UMAD1: variants seen among roughly 807,000 people sequenced by gnomAD.
The protein encoded by UMAD1 is UBAP1-MVB12-associated (UMA) domain containing 1.
A neutral mutation model predicts 6.1 loss-of-function variants in UMAD1; 8 were observed. The observed-to-expected ratio is 1.30, with a 90% CI of 0.76 to 2.35. The LOEUF is 2.35. Ranked by LOEUF, UMAD1 falls within the 30% of genes most tolerant of loss-of-function variation. The probability of loss-of-function intolerance (pLI) is 0.00; values close to 1 mark genes in which losing one functional copy is unlikely to be tolerated. For missense variants in UMAD1, 130 were observed against 78.4 expected (o/e 1.66, Z -2.49); for synonymous variants, 56 against 31.4 (o/e 1.78, Z -2.61).
chr7:7,843,365 G>T (rs1783719313), intron 3 of UMAD1, among the ~76,000 whole-genome samples: 1 of 152,314 alleles, frequency 6.6e-6, no homozygotes, highest in South Asian at 2.1e-4. Flanking sequence ...AAGACTGGTA[G>T]ATTCTCCTGT....
intron 2 of UMAD1, among the ~76,000 whole-genome samples, chr7:7,677,660 T>G (rs555992853): frequency 0.014 from 447 of 32,524 alleles, 5 homozygotes; most frequent in African/African-American, 0.026. Flanking sequence ...TCATCTGTTT[T>G]TTTGTTTTTT....
At chr7:7,687,967 C>T (rs1780079506) in intron 2 of UMAD1, among the ~76,000 whole-genome samples, 1 of 152,154 alleles carries the variant, frequency 6.6e-6, no homozygotes, top group South Asian at 2.1e-4. Flanking sequence ...AACTGTAACC[C>T]CTGAAATAGC....
chr7:7,705,300 A>C (rs1304017054), intron 2 of UMAD1, among the ~76,000 whole-genome samples: 1 of 152,368 alleles, frequency 6.6e-6, no homozygotes, highest in East Asian at 1.9e-4. Flanking sequence ...AAAATATCTG[A>C]CTTATAAAAA....
chr7:7,869,154 C>A (rs76223558), intron 3 of UMAD1, among the ~76,000 whole-genome samples: 63 of 152,300 alleles, frequency 4.1e-4, no homozygotes, highest in African/African-American at 1.5e-3. Flanking sequence ...ACTGCCTTAA[C>A]TGTGCCATAG....
chr7:7,749,677 G>A (rs919711250), intron 2 of UMAD1, among the ~76,000 whole-genome samples: 9 of 152,024 alleles, frequency 5.9e-5, no homozygotes, highest in African/African-American at 2.2e-4. Context: ...ACTGGGCGTT[G>A]ATATTTGCTG....
At chr7:7,679,844 C>G (rs1256264431) in intron 2 of UMAD1, among the ~76,000 whole-genome samples, 1 of 151,190 alleles carries the variant, frequency 6.6e-6, no homozygotes, top group Non-Finnish European at 1.5e-5. Context: ...GGATTACAGG[C>G]GTGAGCTGCT....
intron 2 of UMAD1, among the ~76,000 whole-genome samples, chr7:7,715,628 A>T (rs1413119352): frequency 6.6e-6 from 1 of 152,226 alleles, no homozygotes; most frequent in East Asian, 1.9e-4. Flanking sequence ...TTCAATAGCA[A>T]TTATTTTTAA....
rs553616303 is a variant in UMAD1, at chr7:7,717,882, CAT to C, written c.82+44430_82+44431del. ...TAATTATCAAATTGACACATTATGT[CAT>C]GTGAAAATCTGTTTACCAAACTTTT... On this transcript the variant is annotated intron_variant, in intron 2 of 3. Transcript: ENST00000682710. Among the ~76,000 whole-genome samples, 234 of 152,258 alleles carry C rather than the reference CAT, an allele frequency of 1.5e-3. 1 individual carries two copies. Among genetic ancestry groups the C allele is most frequent in the African/African-American group, 5.3e-3 (219 of 41,544 alleles).
At chr7:7,784,748 C>G (rs908487370) in intron 2 of UMAD1, among the ~76,000 whole-genome samples, 2 of 147,052 alleles carry the variant, frequency 1.4e-5, no homozygotes, top group African/African-American at 5.0e-5. Context: ...TAGCTTCTGC[C>G]CTTCCTTCTT....
At chr7:7,765,886 CTATT>C (rs1290405280) in intron 2 of UMAD1, among the ~76,000 whole-genome samples, 1 of 152,082 alleles carries the variant, frequency 6.6e-6, no homozygotes, top group Non-Finnish European at 1.5e-5. Flanking sequence ...TTTTTTCCCT[CTATT>C]TAGTATCTGA....
At chr7:7,731,937 G>A (rs527505414) in intron 2 of UMAD1, among the ~76,000 whole-genome samples, 1 of 152,272 alleles carries the variant, frequency 6.6e-6, no homozygotes, top group Admixed American at 6.5e-5. Flanking sequence ...ACAGTGCTAT[G>A]ATTCATTTTC....
intron 3 of UMAD1, among the ~76,000 whole-genome samples, chr7:7,848,667 G>A (rs1370812796): frequency 1.3e-5 from 2 of 152,020 alleles, no homozygotes; most frequent in African/African-American, 4.8e-5. Context: ...TGCCTGGAAG[G>A]TGACACAGGG....
chr7:7,678,575 G>GATAAATATATATTTATATACTTAATTT (rs1779814845), intron 2 of UMAD1, among the ~76,000 whole-genome samples: 2 of 130,098 alleles, frequency 1.5e-5, no homozygotes, highest in Non-Finnish European at 3.1e-5. Context: ...TTAATTTATA[G>GATAAATATATATTTATATACTTAATTT]ATAAATATAT....
At chr7:7,658,959 A>T (rs1179994159) in intron 1 of UMAD1, among the ~76,000 whole-genome samples, 1 of 152,122 alleles carries the variant, frequency 6.6e-6, no homozygotes, top group Non-Finnish European at 1.5e-5. Context: ...TTGGTAGGCT[A>T]TTAATTACTG....
rs147805451 is a variant in UMAD1, at chr7:7,652,209, G to T, written c.-64+11388G>T. ...TTCATGCTCCTGTTTTACATTGCTC[G>T]TTTGCTCACTTGGCCATTTATTCAT... On this transcript the variant is annotated intron_variant, in intron 1 of 3. Coordinates refer to ENST00000682710, the MANE Select transcript of UMAD1 (RefSeq NM_001302348.2). Among the ~76,000 whole-genome samples, 15 of 152,252 alleles carry T rather than the reference G, an allele frequency of 9.9e-5. No individual in the cohort carries two copies. In the East Asian group the frequency reaches 2.9e-3, roughly 29 times the overall value.
intron 2 of UMAD1, among the ~76,000 whole-genome samples, chr7:7,770,611 GAC>G (rs1459448849): frequency 6.6e-6 from 1 of 152,110 alleles, no homozygotes; most frequent in Non-Finnish European, 1.5e-5. Flanking sequence ...ATGGAGAGGA[GAC>G]AAGTTTGAAA....
At chr7:7,713,276 G>C (rs191177737) in intron 2 of UMAD1, among the ~76,000 whole-genome samples, 2 of 152,110 alleles carry the variant, frequency 1.3e-5, no homozygotes, top group East Asian at 3.9e-4. Flanking sequence ...CCCAGGAGGC[G>C]GAGGTTGTGG....
At chr7:7,680,584 T>C (rs927167166) in intron 2 of UMAD1, among the ~76,000 whole-genome samples, 1 of 152,162 alleles carries the variant, frequency 6.6e-6, no homozygotes, top group African/African-American at 2.4e-5. Context: ...AGAATGTCTT[T>C]GGTATTTTGA....
At chr7:7,686,697 C>T (rs1440314758) in intron 2 of UMAD1, among the ~76,000 whole-genome samples, 2 of 152,164 alleles carry the variant, frequency 1.3e-5, no homozygotes, top group Non-Finnish European at 2.9e-5. Flanking sequence ...TTTAGCTTCA[C>T]TGTGATATGG....
Sources: gnomAD v4.1 joint callset for allele counts (sites outside exome capture counted in the v4.1 genomes callset) on GRCh38, gnomAD v4.1.1 for gene constraint, MANE v1.5 for transcripts, NCBI Gene and HGNC (gene_info 2026-07-23, HGNC 2026-07-21) for gene names.